SHE: variants seen among roughly 807,000 people sequenced by gnomAD.
SHE encodes the protein Src homology 2 domain containing E, also known as SH2 domain-containing adapter protein E.
SHE carries 11 observed loss-of-function variants against 49.8 expected under a neutral mutation model. The observed-to-expected ratio is 0.22, with a 90% confidence interval of 0.14 to 0.37. SHE has a LOEUF of 0.37. Ranked by LOEUF, SHE falls within the 10% of genes least tolerant of loss-of-function variation. The probability of loss-of-function intolerance (pLI) is 1.00; values close to 1 mark genes in which losing one functional copy is unlikely to be tolerated. For synonymous variants in SHE, 310 were observed against 278.1 expected (o/e 1.11, Z -1.14); for missense variants, 624 against 655.5 (o/e 0.95, Z 0.52).
At position 154,473,450 on chromosome 1, in the gene SHE, G is replaced by A. The variant is rs547699848; in HGVS notation, c.103-3088C>T. Among the ~76,000 whole-genome samples the A allele has an allele frequency of 1.9e-3, 287 of 151,966 alleles. 1 individual carries two copies. Among genetic ancestry groups the A allele is most frequent in the African/African-American group, 5.5e-3 (230 of 41,444 alleles). On this transcript the variant is annotated intron_variant, in intron 1 of 1. Transcript: ENST00000486773. ...TGATAGTACCACTGTACTCCAGCCC[G>A]GGCAACAGGTTGAGACGCTGTGTGT...
At chr1:154,474,220 G>A (rs1691822108) in intron 1 of SHE, among the ~76,000 whole-genome samples, 3 of 152,232 alleles carry the variant, frequency 2.0e-5, no homozygotes, top group East Asian at 3.8e-4. Context: ...GTGAGCTGGG[G>A]CTGGAGGCTG....
intron 2 of SHE, among the ~76,000 whole-genome samples, chr1:154,495,310 A>C (rs1257777865): frequency 6.6e-6 from 1 of 152,222 alleles, no homozygotes; most frequent in Non-Finnish European, 1.5e-5. Flanking sequence ...TAGCTAGAAT[A>C]TTTAGTTAAA....
downstream of SHE, among the ~76,000 whole-genome samples, chr1:154,476,757 A>T (rs1691886489): frequency 1.3e-5 from 2 of 152,192 alleles, no homozygotes. Flanking sequence ...CTTGCCAACA[A>T]CATGCTGGTT....
Position 154,486,675 on chromosome 1 carries a change from C to T in SHE, c.1033G>A (p.Glu345Lys). Residue 345 changes from glutamate to lysine, a missense_variant, in exon 4 of 6, where the codon GAA becomes AAA. Physicochemically the swap from Glu to Lys is moderately conservative, Grantham distance 56. Around this residue, in one of 4 missense-constraint regions of SHE, gnomAD observed 155 missense variants for 142.0 expected, o/e 1.09. Transcript: ENST00000304760. Reference protein sequence around the residue: ...QIVRALSVQFEGAERPSFREE... With the variant: ...QIVRALSVQFKGAERPSFREE... Reference sequence around the variant, plus strand: ...CTGAAGGAAGGTCGCTCAGCTCCTTCAAACTGGACTGGAAGGAAGACTCCA... The same window carrying T: ...CTGAAGGAAGGTCGCTCAGCTCCTTTAAACTGGACTGGAAGGAAGACTCCA... 2 of 1,614,076 alleles carry T rather than the reference C, an allele frequency of 1.2e-6. No homozygotes were observed. The highest frequency in any genetic ancestry group is 1.7e-6 in the Non-Finnish European group (2 of 1,180,030).
chr1:154,502,176 G>A lies in SHE; in HGVS notation c.-150C>T. On this transcript the variant is annotated 5_prime_UTR_variant, in exon 1 of 6. Transcript: ENST00000304760. ...GGGCGCTAGCCTCTGCTCCGGACAC[G>A]GCAGGCGACAGGCACGACGCGCGGG... The A allele has an allele frequency of 5.7e-6, 3 of 530,122 alleles. No individual in the cohort carries two copies. The highest frequency in any genetic ancestry group is 5.4e-6 in the Non-Finnish European group (2 of 373,754). 32.8% of individuals were successfully genotyped at this position (530,122 alleles called of 1,614,324 possible). A position where few individuals can be genotyped will look rare whatever the true frequency, so the allele number is the denominator to read the frequency against.
intron 1 of SHE, among the ~76,000 whole-genome samples, chr1:154,473,786 G>C (rs984372776): frequency 1.3e-5 from 2 of 151,592 alleles, no homozygotes; most frequent in African/African-American, 4.8e-5. Context: ...CCTGGGTGAC[G>C]AGTGAGACCC....
At chr1:154,501,348 C>T (rs1692731663) in intron 1 of SHE, 88 bp downstream of exon 1, 3 of 1,258,938 alleles carry the variant, frequency 2.4e-6, no homozygotes, top group Admixed American at 4.2e-5. Context: ...TCCTCACTGC[C>T]TCTTAGGTCT....
intron 3 of SHE, among the ~76,000 whole-genome samples, chr1:154,488,486 T>C (rs1422672748): frequency 6.6e-6 from 1 of 152,182 alleles, no homozygotes; most frequent in Non-Finnish European, 1.5e-5. Context: ...CTTGAACTCC[T>C]GACCTCAAGT....
chr1:154,496,831 T>C (rs537399442), intron 2 of SHE, among the ~76,000 whole-genome samples: 10 of 152,098 alleles, frequency 6.6e-5, no homozygotes, highest in African/African-American at 1.9e-4. Context: ...TCAGTGCAGC[T>C]CTCCAAATAA....
chr1:154,483,053 C>T lies in SHE; in HGVS notation c.*1096G>A. On this transcript the variant is annotated 3_prime_UTR_variant, in exon 6 of 6. Transcript: ENST00000304760. Reference sequence around the variant, plus strand: ...GTAAAAAAACAGTTGTGGAGCTTTGCAAATTTCCAGAATTTTAAAATTCAG... The same window carrying T: ...GTAAAAAAACAGTTGTGGAGCTTTGTAAATTTCCAGAATTTTAAAATTCAG... 2 of 984,872 alleles carry T rather than the reference C, an allele frequency of 2.0e-6. No individual in the cohort carries two copies. The highest frequency in any genetic ancestry group is 2.4e-6 in the Non-Finnish European group (2 of 829,460). The allele number at this position is 984,872 out of a possible 1,614,324, so 61.0% of individuals were successfully genotyped here. A position where few individuals can be genotyped will look rare whatever the true frequency, so the allele number is the denominator to read the frequency against.
At position 154,501,852 on chromosome 1, in the gene SHE, C is replaced by A; in HGVS notation, c.175G>T (p.Gly59Trp). 1 of 1,538,426 alleles carries A rather than the reference C, an allele frequency of 6.5e-7. No individual in the cohort carries two copies. The highest frequency in any genetic ancestry group is 1.4e-5 in the African/African-American group (1 of 72,650). The change falls in exon 1 of 6, where the codon GGG becomes TGG. Residue 59 changes from glycine (G) to tryptophan (W), a missense_variant. This residue lies in a region of SHE where 337 missense variants were observed against 306.0 expected (regional missense o/e 1.10). Coordinates refer to ENST00000304760, the MANE Select transcript of SHE (RefSeq NM_001010846.3). ...LKTVSERAKP[G>W]GGGGKLRKNS... The stretch of plus-strand genomic sequence containing the variant: ...TTGCGCAATTTGCCGCCGCCGCCCC[C>A]GGGCTTGGCCCGCTCCGACACGGTC...
downstream of SHE, among the ~76,000 whole-genome samples, chr1:154,478,195 C>T (rs1691930398): frequency 6.6e-6 from 1 of 152,116 alleles, no homozygotes; most frequent in African/African-American, 2.4e-5. Flanking sequence ...CCAGTGGCTT[C>T]CAGAAGTTCC....
Position 154,479,569 on chromosome 1 carries a change from A to C in SHE, c.*4580T>G, listed in dbSNP as rs1471701730. 6.1e-6 allele frequency: 6 copies of C among 981,114 alleles called. No individual in the cohort carries two copies. Among genetic ancestry groups the C allele is most frequent in the Non-Finnish European group, 7.3e-6 (6 of 826,074 alleles). 60.8% of individuals were successfully genotyped at this position (981,114 alleles called of 1,614,324 possible). ...AAGCCTATATTGGCTACTGCAAAAC[A>C]ACCAGAAGTTTTATAAAATATTTCT... On this transcript the variant is annotated 3_prime_UTR_variant, in exon 6 of 6. Coordinates refer to ENST00000304760, the MANE Select transcript of SHE (RefSeq NM_001010846.3).
intron 1 of SHE, among the ~76,000 whole-genome samples, chr1:154,473,713 A>G (rs1217796086): frequency 6.6e-6 from 1 of 151,996 alleles, no homozygotes; most frequent in East Asian, 1.9e-4. Context: ...CTGAGGTGGG[A>G]GGATCACCTG....
chr1:154,489,114 G>T lies in SHE; in HGVS notation c.961C>A (p.Pro321Thr), dbSNP rs755203692. The T allele has an allele frequency of 6.2e-7, 1 of 1,613,244 alleles. No homozygotes were observed. Among genetic ancestry groups the T allele is most frequent in the Non-Finnish European group, 8.5e-7 (1 of 1,179,490 alleles). The change falls in exon 3 of 6, where the codon CCC becomes ACC. Residue 321 changes from proline (P) to threonine (T), a missense_variant. Physicochemically the swap from Pro to Thr is conservative, Grantham distance 38. This residue lies in a region of SHE where 155 missense variants were observed against 142.0 expected (regional missense o/e 1.09). Transcript: ENST00000304760. The part of the protein sequence containing the change: ...DSRLPENDER[P>T]AAEYEQPWEW... ...CATGGCTGCTCGTACTCTGCCGCGG[G>T]CCTCTCGTCGTTCTCGGGCAGCCGG...
rs1486369823 is a variant in SHE at position 154,482,357 on chromosome 1, G to A, written c.*1792C>T. The A allele has an allele frequency of 4.1e-6, 4 of 985,196 alleles. No individual in the cohort carries two copies. Among genetic ancestry groups the A allele is most frequent in the Middle Eastern group, 5.2e-4 (1 of 1,936 alleles). The allele number at this position is 985,196 out of a possible 1,614,324, so 61.0% of individuals were successfully genotyped here. A position where few individuals can be genotyped will look rare whatever the true frequency, so the allele number is the denominator to read the frequency against. ...AATCATTGTGTTCCAGTGAGGAAAA[G>A]TTCCTCTTAAATTTTTAAAATCAAA... is the stretch of plus-strand genomic sequence containing the variant. On this transcript the variant is annotated 3_prime_UTR_variant, in exon 6 of 6. Coordinates refer to ENST00000304760, the MANE Select transcript of SHE (RefSeq NM_001010846.3).
chr1:154,496,516 A>G (rs1692536415), intron 2 of SHE, among the ~76,000 whole-genome samples: 1 of 152,242 alleles, frequency 6.6e-6, no homozygotes, highest in Non-Finnish European at 1.5e-5. Flanking sequence ...TTACGGGTGA[A>G]GTTTACAGTG....
chr1:154,493,371 C>A (rs145797324), intron 2 of SHE, among the ~76,000 whole-genome samples: 3 of 152,302 alleles, frequency 2.0e-5, no homozygotes, highest in African/African-American at 7.2e-5. Context: ...GGCTGCAAGC[C>A]GACCCTTCCT....
intron 2 of SHE, among the ~76,000 whole-genome samples, chr1:154,496,456 A>AT (rs1483916208): frequency 6.6e-6 from 1 of 152,248 alleles, no homozygotes; most frequent in Non-Finnish European, 1.5e-5. Flanking sequence ...ATGTTGGACA[A>AT]TTCTGACTTC....
Sources: allele counts gnomAD v4.1 joint callset (sites outside exome capture counted in the v4.1 genomes callset), GRCh38; gene constraint gnomAD v4.1.1; regional missense constraint gnomAD v4.1.1; transcripts MANE v1.5; gene names NCBI Gene and HGNC (gene_info 2026-07-23, HGNC 2026-07-21).